UBE2R2: variants seen among roughly 807,000 people sequenced by gnomAD.
The protein encoded by UBE2R2 is ubiquitin conjugating enzyme E2 R2, also known as ubiquitin-conjugating enzyme E2 R2.
In UBE2R2, 1 loss-of-function variant was observed where a neutral mutation model predicts 27.8. The observed-to-expected ratio is 0.04, with a 90% CI of 0.01 to 0.17. The LOEUF (loss-of-function observed/expected upper bound fraction) is 0.17. UBE2R2 is among the 10% of genes least tolerant of loss of function. The pLI, the probability that UBE2R2 is intolerant of heterozygous loss-of-function variation, is 1.00. For missense variants in UBE2R2, 100 were observed against 291.0 expected (o/e 0.34, Z 4.78); for synonymous variants, 106 against 113.3 (o/e 0.94, Z 0.41).
rs1431266117 is a variant in UBE2R2 at position 33,917,551 on chromosome 9, A to C, written c.*314A>C. 2.0e-6 allele frequency: 1 copy of C among 504,316 alleles called. No individual in the cohort carries two copies. Among genetic ancestry groups the C allele is most frequent in the East Asian group, 3.1e-5 (1 of 32,038 alleles). The allele number at this position is 504,316 out of a possible 1,614,324, so 31.2% of individuals were successfully genotyped here. A position where few individuals can be genotyped will look rare whatever the true frequency, so the allele number is the denominator to read the frequency against. On this transcript the variant is annotated 3_prime_UTR_variant, in exon 5 of 5. Transcript: ENST00000263228. ...CGTCTCTACAGAATGTTCACAGCAAAACACGTTTGGTCTGTTTTTAGATTC... is the reference window on the plus strand; with the variant it reads ...CGTCTCTACAGAATGTTCACAGCAACACACGTTTGGTCTGTTTTTAGATTC...
intron 1 of UBE2R2, among the ~76,000 whole-genome samples, chr9:33,858,945 C>T (rs532618969): frequency 6.6e-6 from 1 of 152,160 alleles, no homozygotes; most frequent in South Asian, 2.1e-4. Flanking sequence ...CCTGCCTCAG[C>T]CTCCCAAGTA....
chr9:33,843,681 G>A (rs969307464), intron 1 of UBE2R2, among the ~76,000 whole-genome samples: 1 of 152,068 alleles, frequency 6.6e-6, no homozygotes, highest in Non-Finnish European at 1.5e-5. Context: ...GTTTCACCAT[G>A]TTGTCCAGGC....
At chr9:33,845,538 G>A (rs1248998826) in intron 1 of UBE2R2, among the ~76,000 whole-genome samples, 1 of 151,978 alleles carries the variant, frequency 6.6e-6, no homozygotes, top group African/African-American at 2.4e-5. Flanking sequence ...GTGAGCCACC[G>A]CACCCAGCTT....
chr9:33,863,902 C>A (rs1280912365), intron 1 of UBE2R2, among the ~76,000 whole-genome samples: 3 of 152,034 alleles, frequency 2.0e-5, no homozygotes, highest in African/African-American at 7.2e-5. Flanking sequence ...CTCACTGCAA[C>A]CTCTGCCTCC....
chr9:33,828,335 G>A (rs1472654358), intron 1 of UBE2R2, among the ~76,000 whole-genome samples: 2 of 149,652 alleles, frequency 1.3e-5, no homozygotes, highest in African/African-American at 2.4e-5. Context: ...CAAACTTATG[G>A]AGTGTTTTAC....
intron 1 of UBE2R2, among the ~76,000 whole-genome samples, chr9:33,845,036 T>C (rs1010036778): frequency 1.3e-5 from 2 of 152,130 alleles, no homozygotes; most frequent in African/African-American, 2.4e-5. Context: ...TCCAAAGTGC[T>C]GAGATTATAG....
At chr9:33,877,870 C>A (rs1821650448) in intron 1 of UBE2R2, among the ~76,000 whole-genome samples, 3 of 108,544 alleles carry the variant, frequency 2.8e-5, no homozygotes, top group Non-Finnish European at 5.8e-5. Context: ...TCCGTCTTTC[C>A]TCAGCCTCCT....
intron 1 of UBE2R2, among the ~76,000 whole-genome samples, chr9:33,864,191 T>C (rs1563992653): frequency 6.6e-6 from 1 of 152,084 alleles, no homozygotes; most frequent in Non-Finnish European, 1.5e-5. Flanking sequence ...AGATACTTCA[T>C]CAATAAGGGC....
chr9:33,824,802 C>CA (rs1172352568), intron 1 of UBE2R2, among the ~76,000 whole-genome samples: 6,736 of 76,794 alleles, frequency 0.088, 519 homozygotes, highest in African/African-American at 0.24. Context: ...AGCTCTGTCT[C>CA]AAAAAAAAAA....
chr9:33,845,974 C>T (rs944860350), intron 1 of UBE2R2, among the ~76,000 whole-genome samples: 2 of 151,948 alleles, frequency 1.3e-5, no homozygotes, highest in African/African-American at 4.8e-5. Flanking sequence ...ACTGAAAATA[C>T]AAAAAATTAG....
chr9:33,852,477 C>G (rs1173920765), intron 1 of UBE2R2, among the ~76,000 whole-genome samples: 1 of 151,026 alleles, frequency 6.6e-6, no homozygotes, highest in African/African-American at 2.4e-5. Context: ...GCTAAGACTT[C>G]CACACATTGG....
At chr9:33,847,814 G>C (rs12380194) in intron 1 of UBE2R2, among the ~76,000 whole-genome samples, 11,665 of 144,790 alleles carry the variant, frequency 0.081, 658 homozygotes, top group Non-Finnish European at 0.12. Context: ...GTGCAATGAC[G>C]TGATCTTGGC....
intron 1 of UBE2R2, among the ~76,000 whole-genome samples, chr9:33,856,053 A>G (rs762773031): frequency 9.2e-5 from 14 of 152,138 alleles, no homozygotes; most frequent in Non-Finnish European, 1.9e-4. Context: ...ACCTGCCTCA[A>G]AAAACCAAAC....
chr9:33,852,644 CTG>C (rs1445101489), intron 1 of UBE2R2, among the ~76,000 whole-genome samples: 1 of 152,122 alleles, frequency 6.6e-6, no homozygotes, highest in African/African-American at 2.4e-5. Flanking sequence ...TGCTTTGCCT[CTG>C]TGAGGGCCAT....
intron 1 of UBE2R2, among the ~76,000 whole-genome samples, chr9:33,877,642 A>T (rs2130786487): frequency 6.6e-6 from 1 of 152,296 alleles, no homozygotes; most frequent in African/African-American, 2.4e-5. Flanking sequence ...CTCTAAGAAA[A>T]CTAATTCCAT....
intron 2 of UBE2R2, among the ~76,000 whole-genome samples, chr9:33,896,659 AGGATGGTCTT>A (rs1157237992): frequency 6.7e-6 from 1 of 150,202 alleles, no homozygotes; most frequent in East Asian, 1.9e-4. Context: ...CGTGTTAGCC[AGGATGGTCTT>A]GATCTCCTGA....
chr9:33,891,062 T>TTTTTTTTTGTTTTTTG (rs1353934604), intron 2 of UBE2R2, among the ~76,000 whole-genome samples: 2 of 149,064 alleles, frequency 1.3e-5, no homozygotes, highest in African/African-American at 4.9e-5. Context: ...TTTGTTTTTT[T>TTTTTTTTTGTTTTTTG]TTTTTGAGAT....
At chr9:33,838,307 C>T (rs1587434784) in intron 1 of UBE2R2, among the ~76,000 whole-genome samples, 4 of 128,754 alleles carry the variant, frequency 3.1e-5, no homozygotes, top group Admixed American at 8.2e-5. Flanking sequence ...TATTTTTGAT[C>T]CACTGTTGGT....
At chr9:33,857,148 AGCC>A (rs1268903759) in intron 1 of UBE2R2, among the ~76,000 whole-genome samples, 2 of 150,452 alleles carry the variant, frequency 1.3e-5, no homozygotes, top group Non-Finnish European at 3.0e-5. Context: ...CGCCCGTCTG[AGCC>A]TCCCAAAGTG....
Sources: allele counts gnomAD v4.1 joint callset (sites outside exome capture counted in the v4.1 genomes callset), GRCh38; gene constraint gnomAD v4.1.1; transcripts MANE v1.5; gene names NCBI Gene and HGNC (gene_info 2026-07-23, HGNC 2026-07-21).